Variants in MRPL47 observed in about 807,000 individuals in gnomAD.
The protein encoded by MRPL47 is large ribosomal subunit protein uL29m.
A neutral mutation model predicts 34.0 loss-of-function variants in MRPL47; 31 were observed. The observed-to-expected ratio is 0.91, with a 90% confidence interval of 0.68 to 1.23. The LOEUF (loss-of-function observed/expected upper bound fraction) is 1.23, where lower values mean the gene tolerates loss of function less well. Ranked by LOEUF, MRPL47 falls within the 50% of genes most tolerant of loss-of-function variation. The pLI is 0.00. For synonymous variants in MRPL47, 106 were observed against 101.6 expected (o/e 1.04, Z -0.26); for missense variants, 328 against 285.8 (o/e 1.15, Z -1.07).
intron 4 of MRPL47, among the ~76,000 whole-genome samples, chr3:179,598,429 C>CACACACACACACACACAA (rs370530062): frequency 2.5e-5 from 3 of 118,828 alleles, no homozygotes; most frequent in East Asian, 2.3e-4. Context: ...CACACACAAA[C>CACACACACACACACACAA]AAAAAAAAAA....
intron 1 of MRPL47, 44 bp downstream of exon 1, chr3:179,604,483 C>T: frequency 1.9e-6 from 3 of 1,558,036 alleles, no homozygotes; most frequent in Non-Finnish European, 1.8e-6. Context: ...CAAACAAGAT[C>T]CAAAGTTGGA....
chr3:179,596,554 G>A (rs1031592558), intron 4 of MRPL47, among the ~76,000 whole-genome samples: 6 of 152,128 alleles, frequency 3.9e-5, no homozygotes, highest in Non-Finnish European at 8.8e-5. Context: ...GATAATCCAC[G>A]GTTGAAGTTC....
At chr3:179,597,556 C>A (rs1718815687) in intron 4 of MRPL47, among the ~76,000 whole-genome samples, 2 of 152,292 alleles carry the variant, frequency 1.3e-5, no homozygotes, top group East Asian at 1.9e-4. Flanking sequence ...CACCTGTAAT[C>A]CCAGCACTTT....
At chr3:179,599,895 G>A (rs1718886170) in intron 3 of MRPL47, among the ~76,000 whole-genome samples, 1 of 152,198 alleles carries the variant, frequency 6.6e-6, no homozygotes, top group Admixed American at 6.5e-5. Flanking sequence ...AGAGGCCGAG[G>A]CAGGTGGATC....
intron 6 of MRPL47, among the ~76,000 whole-genome samples, chr3:179,591,781 C>T (rs919683869): frequency 6.6e-6 from 1 of 152,010 alleles, no homozygotes; most frequent in Admixed American, 6.6e-5. Context: ...AATAGAAAGG[C>T]AATAAAACTT....
At position 179,588,868 on chromosome 3, in the gene MRPL47, C is replaced by T. The variant is rs1449197045; in HGVS notation, c.*4G>A. On this transcript the variant is annotated 3_prime_UTR_variant, in exon 7 of 7. Coordinates refer to ENST00000476781, the MANE Select transcript of MRPL47 (RefSeq NM_020409.3). ...AAAATGGTAAATTTAATAGTTCAGA[C>T]ATCTTAGACAAGACTTGACTTTTGG... is the stretch of plus-strand genomic sequence containing the variant. The T allele has an allele frequency of 1.2e-6, 2 of 1,611,982 alleles. No individual in the cohort carries two copies. Among genetic ancestry groups the T allele is most frequent in the African/African-American group, 1.3e-5 (1 of 74,736 alleles).
At chr3:179,601,180 G>A (rs1315542991) in intron 3 of MRPL47, among the ~76,000 whole-genome samples, 1 of 152,170 alleles carries the variant, frequency 6.6e-6, no homozygotes, top group Non-Finnish European at 1.5e-5. Flanking sequence ...GGGAGGCTGA[G>A]GTAGGAGGAT....
rs1718703747 is a variant in MRPL47, at chr3:179,592,687, T to C, written c.586A>G (p.Arg196Gly). The change falls in exon 6 of 7, where the codon AGG becomes GGG. Residue 196 changes from arginine to glycine, a missense_variant. By Grantham distance (125) the Arg-to-Gly change is moderately radical. Transcript: ENST00000476781. ...IPWHLNKRYN[R>G]KRFFALPYVD... ...TAAGGCAAGGCAAAGAATCGTTTCC[T>C]ATTGTATCTTTTATTTAGGTGCCAA... The C allele has an allele frequency of 1.2e-6, 2 of 1,613,936 alleles. No individual in the cohort carries two copies. Among genetic ancestry groups the C allele is most frequent in the Non-Finnish European group, 1.7e-6 (2 of 1,179,920 alleles).
intron 2 of MRPL47, among the ~76,000 whole-genome samples, chr3:179,602,387 T>C (rs1300367440): frequency 6.6e-6 from 1 of 151,962 alleles, no homozygotes; most frequent in African/African-American, 2.4e-5. Flanking sequence ...AAAAATAAAA[T>C]CTAAAATAAG....
chr3:179,598,427 A>ACACACACAC (rs1445696121), intron 4 of MRPL47, among the ~76,000 whole-genome samples: 77 of 49,146 alleles, frequency 1.6e-3, no homozygotes, highest in African/African-American at 6.7e-3. Context: ...CACACACACA[A>ACACACACAC]ACAAAAAAAA....
At position 179,588,914 on chromosome 3, in the gene MRPL47, CT is replaced by C. The variant is rs748564871; in HGVS notation, c.710del (p.Lys237SerfsTer28). ...ERKKAKILLK[K>X]FPHLAEAQKS... is the part of the protein sequence containing the mutation. The stretch of plus-strand genomic sequence containing the variant: ...TTTGGGCTTCAGCAAGATGTGGAAA[CT>C]TTTTTAAAAGAATTTTTGCTTTCTT... On this transcript the variant is annotated frameshift_variant, in exon 7 of 7. Transcript: ENST00000476781. LOFTEE classifies it high-confidence loss of function. 6.2e-7 allele frequency: 1 copy of C among 1,613,616 alleles called. No individual in the cohort carries two copies. Among genetic ancestry groups the C allele is most frequent in the South Asian group, 1.1e-5 (1 of 91,028 alleles).
chr3:179,590,863 T>C (rs898395587), intron 6 of MRPL47, among the ~76,000 whole-genome samples: 24 of 151,532 alleles, frequency 1.6e-4, no homozygotes, highest in African/African-American at 5.8e-4. Flanking sequence ...CAGCAAGAAT[T>C]AAATCAAGGA....
At chr3:179,593,438 C>T (rs1053269364) in intron 5 of MRPL47, among the ~76,000 whole-genome samples, 5 of 152,194 alleles carry the variant, frequency 3.3e-5, no homozygotes, top group African/African-American at 7.2e-5. Flanking sequence ...TGTACATGTA[C>T]ATTTTTCTGA....
At position 179,588,452 on chromosome 3, in the gene MRPL47, G is replaced by A. The variant is rs1016032522; in HGVS notation, c.*420C>T. The A allele has an allele frequency of 2.3e-5, 4 of 174,254 alleles. No individual in the cohort carries two copies. The highest frequency in any genetic ancestry group is 4.9e-5 in the Non-Finnish European group (4 of 82,288). 10.8% of individuals were successfully genotyped at this position (174,254 alleles called of 1,614,324 possible). On this transcript the variant is annotated 3_prime_UTR_variant, in exon 7 of 7. Coordinates refer to ENST00000476781, the MANE Select transcript of MRPL47 (RefSeq NM_020409.3). ...GTGATTACTACTTTAAGGACTAAAT[G>A]TATTTCTCATTATTTTGAATCAAAG...
At position 179,593,675 on chromosome 3, in the gene MRPL47, T is replaced by C. The variant is rs944515458; in HGVS notation, c.533+90A>G. 9.5e-6 allele frequency: 12 copies of C among 1,258,274 alleles called. No homozygotes were observed. In the African/African-American group the frequency reaches 1.2e-4, roughly 13 times the overall value. 77.9% of individuals were successfully genotyped at this position (1,258,274 alleles called of 1,614,324 possible). A position where few individuals can be genotyped will look rare whatever the true frequency, so the allele number is the denominator to read the frequency against. Reference sequence around the variant, plus strand: ...ATATCTCTAATATTATCTCATATGGTACAAATTTTTTTTTAAAAGATATTG... The same window carrying C: ...ATATCTCTAATATTATCTCATATGGCACAAATTTTTTTTTAAAAGATATTG... On this transcript the variant is annotated intron_variant, in intron 5 of 6. Coordinates refer to ENST00000476781, the MANE Select transcript of MRPL47 (RefSeq NM_020409.3).
chr3:179,600,599 G>A (rs1457827910), intron 3 of MRPL47, among the ~76,000 whole-genome samples: 1 of 152,170 alleles, frequency 6.6e-6, no homozygotes, highest in Admixed American at 6.5e-5. Context: ...CCAAGATCAC[G>A]CCACTGAATT....
chr3:179,588,997 T>C lies in MRPL47; in HGVS notation c.630-2A>G, dbSNP rs754209183. The C allele has an allele frequency of 2.3e-5, 37 of 1,595,992 alleles. No individual in the cohort carries two copies. The highest frequency in any genetic ancestry group is 8.5e-6 in the Non-Finnish European group (10 of 1,174,568). ...CGGGCTCGTTTCTCACGTTCCAGTCTAGAATAAAAAAAGCGTAACAGCAAT... is the reference window on the plus strand; with the variant it reads ...CGGGCTCGTTTCTCACGTTCCAGTCCAGAATAAAAAAAGCGTAACAGCAAT... On this transcript the variant is annotated splice_acceptor_variant, in intron 6 of 6. Coordinates refer to ENST00000476781, the MANE Select transcript of MRPL47 (RefSeq NM_020409.3). LOFTEE classifies it high-confidence loss of function.
chr3:179,592,180 T>A (rs1439419581), intron 6 of MRPL47, among the ~76,000 whole-genome samples: 1 of 150,972 alleles, frequency 6.6e-6, no homozygotes, highest in Non-Finnish European at 1.5e-5. Context: ...TTCAATTTTC[T>A]TTTTTACCTA....
intron 4 of MRPL47, among the ~76,000 whole-genome samples, chr3:179,598,425 CAA>C (rs1322897114): frequency 1.0e-4 from 13 of 125,954 alleles, no homozygotes; most frequent in African/African-American, 2.9e-4. Flanking sequence ...CACACACACA[CAA>C]ACAAAAAAAA....
Sources: allele counts gnomAD v4.1 joint callset (sites outside exome capture counted in the v4.1 genomes callset), GRCh38; gene constraint gnomAD v4.1.1; transcripts MANE v1.5; gene names NCBI Gene and HGNC (gene_info 2026-07-23, HGNC 2026-07-21).